KCND2: variants seen among roughly 807,000 people sequenced by gnomAD.
KCND2 encodes the protein A-type voltage-gated potassium channel KCND2.
In KCND2, 16 loss-of-function variants were observed where a neutral mutation model predicts 54.4. The ratio of observed to expected loss-of-function variants is 0.29; its 90% confidence interval spans 0.20 to 0.45. KCND2 has a LOEUF of 0.45. KCND2 is among the 20% of genes least tolerant of loss of function. KCND2 has a pLI of 1.00. For synonymous variants in KCND2, 317 were observed against 310.7 expected, an observed-to-expected ratio of 1.02 and a Z score of -0.21; for missense variants, 486 against 824.2, an observed-to-expected ratio of 0.59 and a Z score of 5.02.
chr7:120,383,190 C>G (rs897527055), intron 1 of KCND2, among the ~76,000 whole-genome samples: 2 of 151,960 alleles, frequency 1.3e-5, no homozygotes, highest in African/African-American at 4.8e-5. Flanking sequence ...ATGCAGAATG[C>G]ATTATTTAAG....
intron 1 of KCND2, among the ~76,000 whole-genome samples, chr7:120,300,036 A>C (rs575757126): frequency 6.6e-6 from 1 of 152,306 alleles, no homozygotes; most frequent in East Asian, 1.9e-4. Flanking sequence ...AACATGAAGA[A>C]ATTTTTAAGG....
At chr7:120,389,415 T>C (rs1801040693) in intron 1 of KCND2, among the ~76,000 whole-genome samples, 2 of 151,856 alleles carry the variant, frequency 1.3e-5, no homozygotes, top group South Asian at 4.1e-4. Context: ...ATTTCTAGTA[T>C]ATAGTACAAT....
At chr7:120,345,626 A>T (rs550964096) in intron 1 of KCND2, among the ~76,000 whole-genome samples, 1 of 152,270 alleles carries the variant, frequency 6.6e-6, no homozygotes, top group Non-Finnish European at 1.5e-5. Flanking sequence ...ATACAAGTGG[A>T]CTAGCTTATT....
intron 1 of KCND2, among the ~76,000 whole-genome samples, chr7:120,574,971 A>G (rs1233543089): frequency 6.6e-6 from 1 of 151,922 alleles, no homozygotes; most frequent in Non-Finnish European, 1.5e-5. Flanking sequence ...TGTGAGGACA[A>G]TTCCATTCTT....
chr7:120,315,338 A>C (rs1799797457), intron 1 of KCND2, among the ~76,000 whole-genome samples: 1 of 152,160 alleles, frequency 6.6e-6, no homozygotes, highest in African/African-American at 2.4e-5. Context: ...CATATTTACT[A>C]AACTTGAATC....
At chr7:120,536,456 C>T (rs1475652293) in intron 1 of KCND2, among the ~76,000 whole-genome samples, 1 of 151,990 alleles carries the variant, frequency 6.6e-6, no homozygotes, top group Non-Finnish European at 1.5e-5. Context: ...TAATGATTTC[C>T]CTAATAGCGT....
chr7:120,695,921 A>G (rs1792327624), intron 1 of KCND2, among the ~76,000 whole-genome samples: 1 of 152,214 alleles, frequency 6.6e-6, no homozygotes, highest in Admixed American at 6.5e-5. Context: ...AAAGAGGTGT[A>G]AAATGAAATG....
intron 1 of KCND2, among the ~76,000 whole-genome samples, chr7:120,421,936 A>G (rs750040339): frequency 4.6e-5 from 7 of 152,216 alleles, no homozygotes; most frequent in Non-Finnish European, 8.8e-5. Flanking sequence ...TGGAGATCCC[A>G]TACCAGAAGG....
At chr7:120,486,602 G>GA (rs1040192572) in intron 1 of KCND2, among the ~76,000 whole-genome samples, 83 of 152,054 alleles carry the variant, frequency 5.5e-4, no homozygotes, top group African/African-American at 1.8e-3. Flanking sequence ...TCATCAAGAT[G>GA]AAAACAAAGG....
intron 1 of KCND2, among the ~76,000 whole-genome samples, chr7:120,523,498 T>A (rs1791727191): frequency 6.7e-6 from 1 of 150,250 alleles, no homozygotes; most frequent in Admixed American, 6.6e-5. Context: ...TTGACATGAT[T>A]TTTATATCAC....
rs1009285104 is a variant in KCND2, at chr7:120,399,294, C to A, written c.1115+123547C>A. 5.3e-5 allele frequency among the ~76,000 whole-genome samples: 8 copies of A among 151,800 alleles called. 1 individual carries two copies. The highest frequency in any genetic ancestry group is 2.6e-4 in the Admixed American group (4 of 15,190). On this transcript the variant is annotated intron_variant, in intron 1 of 5. Coordinates refer to ENST00000331113, the MANE Select transcript of KCND2 (RefSeq NM_012281.3). ...TCATCACATTATATCGTCTCCCTGACAACATGGGATCAGACTCTGTCATCA... is the reference window on the plus strand; with the variant it reads ...TCATCACATTATATCGTCTCCCTGAAAACATGGGATCAGACTCTGTCATCA...
At chr7:120,470,406 T>G (rs1802437158) in intron 1 of KCND2, among the ~76,000 whole-genome samples, 1 of 152,140 alleles carries the variant, frequency 6.6e-6, no homozygotes, top group Non-Finnish European at 1.5e-5. Flanking sequence ...CACTTTAACA[T>G]AGTGTGCCTT....
At chr7:120,553,837 C>T (rs1792130266) in intron 1 of KCND2, among the ~76,000 whole-genome samples, 1 of 152,206 alleles carries the variant, frequency 6.6e-6, no homozygotes, top group African/African-American at 2.4e-5. Flanking sequence ...ACACCCACAT[C>T]ATATGGCTCA....
intron 1 of KCND2, among the ~76,000 whole-genome samples, chr7:120,576,217 G>A (rs1341023502): frequency 6.6e-6 from 1 of 152,060 alleles, no homozygotes; most frequent in Non-Finnish European, 1.5e-5. Flanking sequence ...TTTTGTAGTA[G>A]CAAAGATGAA....
chr7:120,629,039 G>A (rs1793196132), intron 1 of KCND2, among the ~76,000 whole-genome samples: 1 of 152,120 alleles, frequency 6.6e-6, no homozygotes, highest in African/African-American at 2.4e-5. Flanking sequence ...AGGGGTTTAC[G>A]GAAGAACGCT....
At chr7:120,712,412 C>T (rs1210979528) in intron 1 of KCND2, among the ~76,000 whole-genome samples, 2 of 150,608 alleles carry the variant, frequency 1.3e-5, no homozygotes, top group African/African-American at 2.4e-5. Context: ...TATAGGTGCC[C>T]GCTACCACGC....
At chr7:120,477,041 C>T (rs544242338) in intron 1 of KCND2, among the ~76,000 whole-genome samples, 12 of 152,258 alleles carry the variant, frequency 7.9e-5, no homozygotes, top group African/African-American at 2.9e-4. Flanking sequence ...CTCACTTTGG[C>T]CTAGCATTGG....
chr7:120,692,046 A>G (rs187568494), intron 1 of KCND2, among the ~76,000 whole-genome samples: 126 of 152,334 alleles, frequency 8.3e-4, no homozygotes, highest in African/African-American at 2.8e-3. Flanking sequence ...TGGTGAAATC[A>G]TGGGGTAGAA....
chr7:120,329,204 C>T (rs1415594055), intron 1 of KCND2, among the ~76,000 whole-genome samples: 22 of 151,228 alleles, frequency 1.5e-4, no homozygotes, highest in Admixed American at 1.5e-3. Flanking sequence ...TCACTGCAAC[C>T]TCCGCCTCCT....
Sources: allele counts gnomAD v4.1 joint callset (sites outside exome capture counted in the v4.1 genomes callset), GRCh38; gene constraint gnomAD v4.1.1; transcripts MANE v1.5; gene names NCBI Gene and HGNC (gene_info 2026-07-23, HGNC 2026-07-21).